CCDC178: variants seen among roughly 807,000 people sequenced by gnomAD.
CCDC178 encodes coiled-coil domain containing 178, also known as coiled-coil domain-containing protein 178.
In CCDC178, 126 loss-of-function variants were observed where a neutral mutation model predicts 117.4. The observed-to-expected ratio is 1.07, with a 90% CI of 0.93 to 1.24. The LOEUF is 1.24. Among genes scored for constraint, CCDC178 ranks in the 50% most tolerant of loss-of-function variants. The probability of loss-of-function intolerance (pLI) is 0.00; values close to 1 mark genes in which losing one functional copy is unlikely to be tolerated. For synonymous variants in CCDC178, 283 were observed against 313.4 expected (o/e 0.90, Z 1.02); for missense variants, 1,030 against 986.9 (o/e 1.04, Z -0.59).
At chr18:33,357,642 G>GAT (rs2063074155) in intron 6 of CCDC178, among the ~76,000 whole-genome samples, 1 of 151,984 alleles carries the variant, frequency 6.6e-6, no homozygotes. Context: ...ATTTTCTACA[G>GAT]ATATATTCTA....
chr18:33,161,112 C>T (rs974349876), intron 20 of CCDC178, among the ~76,000 whole-genome samples: 7 of 151,850 alleles, frequency 4.6e-5, no homozygotes, highest in African/African-American at 1.7e-4. Flanking sequence ...GAATTTTAAC[C>T]TCAAGCTACT....
chr18:33,164,450 C>T (rs931840493), intron 20 of CCDC178, among the ~76,000 whole-genome samples: 10 of 151,910 alleles, frequency 6.6e-5, no homozygotes, highest in South Asian at 2.1e-4. Context: ...TATTAAGAAA[C>T]GCAAAAGGCT....
At chr18:33,329,513 T>C (rs887586614) in intron 10 of CCDC178, among the ~76,000 whole-genome samples, 2 of 152,228 alleles carry the variant, frequency 1.3e-5, no homozygotes, top group Non-Finnish European at 2.9e-5. Context: ...ATTTTGGACT[T>C]TGTCCATTGT....
intron 20 of CCDC178, among the ~76,000 whole-genome samples, chr18:33,127,121 A>G (rs1173522929): frequency 6.6e-6 from 1 of 151,722 alleles, no homozygotes. Context: ...ATCTATGTAT[A>G]CTAAAGTTTT....
chr18:33,379,454 T>C (rs2063412198), intron 5 of CCDC178, among the ~76,000 whole-genome samples: 1 of 152,106 alleles, frequency 6.6e-6, no homozygotes, highest in Admixed American at 6.6e-5. Flanking sequence ...GCTCTTTTTT[T>C]GCTTTATGCA....
intron 18 of CCDC178, among the ~76,000 whole-genome samples, chr18:33,221,340 G>A (rs897176828): frequency 6.6e-6 from 1 of 152,042 alleles, no homozygotes; most frequent in Non-Finnish European, 1.5e-5. Flanking sequence ...GAAGAAGTGA[G>A]TCTTGCCTTT....
At chr18:33,423,400 G>A (rs903208025) in intron 2 of CCDC178, among the ~76,000 whole-genome samples, 4 of 151,958 alleles carry the variant, frequency 2.6e-5, no homozygotes, top group Non-Finnish European at 5.9e-5. Context: ...CCTATTTAGG[G>A]CACGTTTTTA....
rs147562910 is a variant in CCDC178 at position 33,002,404 on chromosome 18, TA to T, written c.2389-27724del. ...GAGGAATTTTGAAACTAAACAAACA[TA>T]TGGAATTAAACAATATGCTCCTAAA... is the stretch of plus-strand genomic sequence containing the variant. On this transcript the variant is annotated intron_variant, in intron 21 of 22. Transcript: ENST00000383096. Among the ~76,000 whole-genome samples the T allele has an allele frequency of 1.1e-3, 167 of 151,154 alleles. 1 individual carries two copies. Among genetic ancestry groups the T allele is most frequent in the African/African-American group, 3.9e-3 (162 of 41,264 alleles).
At chr18:33,399,613 A>G (rs1259402768) in intron 3 of CCDC178, among the ~76,000 whole-genome samples, 15 of 152,194 alleles carry the variant, frequency 9.9e-5, no homozygotes, top group Admixed American at 8.5e-4. Flanking sequence ...CCAAGAAGCA[A>G]CTTCTCATCC....
At chr18:33,061,386 A>G (rs1316966888) in intron 21 of CCDC178, among the ~76,000 whole-genome samples, 1 of 152,154 alleles carries the variant, frequency 6.6e-6, no homozygotes, top group African/African-American at 2.4e-5. Flanking sequence ...ATGAATAAAA[A>G]ATAATACATA....
intron 20 of CCDC178, among the ~76,000 whole-genome samples, chr18:33,179,116 A>ATATATATATAAAC (rs2058702975): frequency 8.6e-6 from 1 of 115,822 alleles, no homozygotes; most frequent in African/African-American, 3.5e-5. Context: ...TATAAACTAT[A>ATATATATATAAAC]TATATATATA....
chr18:33,082,862 T>G (rs1458183021), intron 21 of CCDC178, among the ~76,000 whole-genome samples: 1 of 152,032 alleles, frequency 6.6e-6, no homozygotes, highest in Admixed American at 6.5e-5. Context: ...TGTTCTGATT[T>G]CATATAATCT....
At chr18:32,994,171 G>A (rs537848722) in intron 21 of CCDC178, among the ~76,000 whole-genome samples, 1 of 147,454 alleles carries the variant, frequency 6.8e-6, no homozygotes, top group African/African-American at 2.6e-5. Context: ...CCCTCCAATT[G>A]GTTACTAAAT....
intron 21 of CCDC178, among the ~76,000 whole-genome samples, chr18:33,025,603 CAA>C (rs2056211411): frequency 6.6e-6 from 1 of 151,828 alleles, no homozygotes; most frequent in African/African-American, 2.4e-5. Context: ...GATATTTTAC[CAA>C]AGAGGATATA....
At chr18:33,340,925 G>A (rs554333884) in intron 9 of CCDC178, among the ~76,000 whole-genome samples, 1 of 152,260 alleles carries the variant, frequency 6.6e-6, no homozygotes, top group East Asian at 1.9e-4. Flanking sequence ...GTCCCTACTG[G>A]GGCACTGCCC....
intron 20 of CCDC178, among the ~76,000 whole-genome samples, chr18:33,118,121 A>G (rs1458331414): frequency 6.6e-6 from 1 of 152,092 alleles, no homozygotes; most frequent in Non-Finnish European, 1.5e-5. Flanking sequence ...TGATAGGCCA[A>G]TGCTCATGGA....
chr18:33,069,634 A>G (rs1206102467), intron 21 of CCDC178, among the ~76,000 whole-genome samples: 1 of 152,156 alleles, frequency 6.6e-6, no homozygotes, highest in Non-Finnish European at 1.5e-5. Flanking sequence ...TATGGCTAAC[A>G]CTTCAAAAGT....
At chr18:33,349,725 A>G (rs2062945594) in intron 7 of CCDC178, among the ~76,000 whole-genome samples, 1 of 151,924 alleles carries the variant, frequency 6.6e-6, no homozygotes, top group African/African-American at 2.4e-5. Flanking sequence ...AATTTTCATT[A>G]CATTATTTTT....
intron 14 of CCDC178, among the ~76,000 whole-genome samples, chr18:33,262,316 C>T (rs2059760671): frequency 6.6e-6 from 1 of 152,176 alleles, no homozygotes; most frequent in East Asian, 1.9e-4. Context: ...TTTCCAGATA[C>T]TTACATTTGT....
Sources: allele counts gnomAD v4.1 joint callset (sites outside exome capture counted in the v4.1 genomes callset), GRCh38; gene constraint gnomAD v4.1.1; transcripts MANE v1.5; gene names NCBI Gene and HGNC (gene_info 2026-07-23, HGNC 2026-07-21).